The following CDH12 variants were observed in gnomAD, a reference collection of about 807,000 sequenced individuals.
The protein encoded by CDH12 is cadherin-12.
In CDH12, 41 loss-of-function variants were observed where a neutral mutation model predicts 74.1. That is an observed-to-expected ratio of 0.55 (90% CI 0.43 to 0.72). CDH12 has a LOEUF of 0.72. Ranked by LOEUF, CDH12 falls within the 30% of genes least tolerant of loss-of-function variation. The pLI is 0.00. For synonymous variants in CDH12, 399 were observed against 355.0 expected (o/e 1.12, Z -1.39); for missense variants, 945 against 977.2 (o/e 0.97, Z 0.44).
intron 1 of CDH12, among the ~76,000 whole-genome samples, chr5:22,657,508 C>T (rs1475036863): frequency 1.3e-5 from 2 of 152,188 alleles, no homozygotes; most frequent in Non-Finnish European, 2.9e-5. Context: ...ATTTACATTA[C>T]TTACTACTGA....
At chr5:22,059,725 T>C (rs932698460) in intron 5 of CDH12, among the ~76,000 whole-genome samples, 5 of 152,176 alleles carry the variant, frequency 3.3e-5, no homozygotes, top group African/African-American at 1.2e-4. Flanking sequence ...CCGCCTCATG[T>C]TATTTCAAAA....
chr5:21,863,651 A>G (rs1056769397), intron 6 of CDH12, among the ~76,000 whole-genome samples: 1 of 152,170 alleles, frequency 6.6e-6, no homozygotes, highest in Non-Finnish European at 1.5e-5. Flanking sequence ...AGTCATTTTC[A>G]ATACTAAATT....
chr5:22,160,324 T>C (rs1748268635), intron 4 of CDH12, among the ~76,000 whole-genome samples: 1 of 152,216 alleles, frequency 6.6e-6, no homozygotes. Context: ...CAAGGGACAC[T>C]GTGGTATCTT....
At chr5:21,920,346 T>G (rs1049675038) in intron 6 of CDH12, among the ~76,000 whole-genome samples, 1 of 152,170 alleles carries the variant, frequency 6.6e-6, no homozygotes, top group Non-Finnish European at 1.5e-5. Context: ...GTCAGATATC[T>G]TGGCTCTATC....
chr5:22,296,250 A>T (rs1737619033), intron 3 of CDH12, among the ~76,000 whole-genome samples: 1 of 152,082 alleles, frequency 6.6e-6, no homozygotes, highest in South Asian at 2.1e-4. Flanking sequence ...AACTTATAAG[A>T]CTACAGGGCA....
At chr5:21,935,383 A>T (rs530713976) in intron 6 of CDH12, among the ~76,000 whole-genome samples, 1 of 152,356 alleles carries the variant, frequency 6.6e-6, no homozygotes, top group East Asian at 1.9e-4. Context: ...CTCAAAGCAT[A>T]GCCAAGGAAG....
intron 6 of CDH12, among the ~76,000 whole-genome samples, chr5:21,903,624 C>T (rs934476883): frequency 1.8e-4 from 28 of 151,970 alleles, no homozygotes; most frequent in Non-Finnish European, 4.4e-5. Context: ...AAACCTGTAC[C>T]GGTTTCCCCT....
intron 2 of CDH12, among the ~76,000 whole-genome samples, chr5:22,457,736 G>A (rs991050250): frequency 6.7e-6 from 1 of 148,472 alleles, no homozygotes; most frequent in African/African-American, 2.5e-5. Context: ...CTGCTAACAT[G>A]CCCAACTAAT....
At chr5:21,851,061 G>GA (rs990431780) in intron 7 of CDH12, among the ~76,000 whole-genome samples, 4 of 150,706 alleles carry the variant, frequency 2.7e-5, no homozygotes, top group Non-Finnish European at 3.0e-5. Flanking sequence ...ACCATGATAG[G>GA]AAAAAAACAA....
intron 2 of CDH12, among the ~76,000 whole-genome samples, chr5:22,467,256 C>G (rs917098781): frequency 1.3e-5 from 2 of 152,140 alleles, no homozygotes; most frequent in African/African-American, 4.8e-5. Context: ...AACTGTTTAG[C>G]GAGATGACAT....
intron 3 of CDH12, among the ~76,000 whole-genome samples, chr5:22,219,482 A>G (rs576417633): frequency 6.6e-6 from 1 of 151,776 alleles, no homozygotes; most frequent in Admixed American, 6.6e-5. Context: ...AAAAGTCAAT[A>G]ATTTGCTGCC....
At chr5:22,550,294 A>C (rs566402110) in intron 1 of CDH12, among the ~76,000 whole-genome samples, 1 of 152,252 alleles carries the variant, frequency 6.6e-6, no homozygotes, top group African/African-American at 2.4e-5. Flanking sequence ...TGTATCTTGA[A>C]CACTTATCTC....
chr5:22,339,393 G>A (rs750153083), intron 3 of CDH12, among the ~76,000 whole-genome samples: 6 of 152,166 alleles, frequency 3.9e-5, no homozygotes, highest in Non-Finnish European at 7.4e-5. Context: ...TGGGGTTGCT[G>A]TAGAGGTTAA....
At chr5:21,877,905 A>G (rs529830776) in intron 6 of CDH12, among the ~76,000 whole-genome samples, 91 of 152,350 alleles carry the variant, frequency 6.0e-4, no homozygotes, top group African/African-American at 2.0e-3. Flanking sequence ...TCATGTGTGG[A>G]AAATCCATTA....
intron 6 of CDH12, among the ~76,000 whole-genome samples, chr5:21,921,751 G>A (rs1299348679): frequency 2.6e-5 from 4 of 152,148 alleles, no homozygotes; most frequent in African/African-American, 9.7e-5. Flanking sequence ...GTCTATTTGT[G>A]CATTCTACTG....
chr5:22,174,225 C>G (rs1460622294), intron 4 of CDH12, among the ~76,000 whole-genome samples: 1 of 151,934 alleles, frequency 6.6e-6, no homozygotes, highest in Non-Finnish European at 1.5e-5. Context: ...GTCTTCATTA[C>G]ACTAAACACA....
chr5:22,246,732 T>C (rs994225241), intron 3 of CDH12, among the ~76,000 whole-genome samples: 3 of 152,184 alleles, frequency 2.0e-5, no homozygotes, highest in Non-Finnish European at 2.9e-5. Context: ...GTAAAACTTT[T>C]ACAACACATT....
intron 1 of CDH12, among the ~76,000 whole-genome samples, chr5:22,621,044 G>T (rs1179725037): frequency 2.0e-5 from 3 of 152,160 alleles, no homozygotes; most frequent in African/African-American, 7.2e-5. Flanking sequence ...TTGCGGACTT[G>T]CATTTACTTC....
chr5:22,502,621 TGC>T (rs1021274267), intron 2 of CDH12, among the ~76,000 whole-genome samples: 20 of 151,228 alleles, frequency 1.3e-4, no homozygotes, highest in South Asian at 8.4e-4. Context: ...CCCAGTCTAT[TGC>T]CAGCAGTCAT....
Sources: gnomAD v4.1 joint callset for allele counts (sites outside exome capture counted in the v4.1 genomes callset) on GRCh38, gnomAD v4.1.1 for gene constraint, MANE v1.5 for transcripts, NCBI Gene and HGNC (gene_info 2026-07-23, HGNC 2026-07-21) for gene names.